Variants in RPL9 observed in about 807,000 individuals in gnomAD.
RPL9 encodes the protein ribosomal protein L9, also known as large ribosomal subunit protein uL6.
For synonymous variants in RPL9, 82 were observed against 77.1 expected, an observed-to-expected ratio of 1.06 and a Z score of -0.33; for missense variants, 149 against 236.7, an observed-to-expected ratio of 0.63 and a Z score of 2.43.
chr4:39,458,004 G>C, intron 3 of RPL9, 190 bp downstream of exon 3: 1 of 716,910 alleles, frequency 1.4e-6, no homozygotes, highest in Non-Finnish European at 2.5e-6. Flanking sequence ...TATTACATTT[G>C]AGCTTTATAT....
chr4:39,458,841 C>T lies in RPL9; in HGVS notation c.-2+50G>A, dbSNP rs145824152. On this transcript the variant is annotated intron_variant, in intron 1 of 7. Coordinates refer to ENST00000295955, the MANE Select transcript of RPL9 (RefSeq NM_000661.5). ...AGCCGCGCCGCAGCCTTTCCCAGAG[C>T]AGATGGTTTCAGATTCCCAGTACCC... The T allele has an allele frequency of 6.2e-4, 428 of 693,534 alleles. 2 individuals are homozygous for T. Among genetic ancestry groups the T allele is most frequent in the Non-Finnish European group, 1.1e-3 (401 of 379,514 alleles). 43.0% of individuals were successfully genotyped at this position (693,534 alleles called of 1,614,324 possible).
Position 39,458,420 on chromosome 4 carries a change from T to C in RPL9, c.20A>G (p.Asn7Ser), listed in dbSNP as rs146928803. The change falls in exon 2 of 8, where the codon AAT becomes AGT. Residue 7 changes from asparagine (N) to serine (S), a missense_variant. Physicochemically the swap from Asn to Ser is conservative, Grantham distance 46. Transcript: ENST00000295955. MKTILS[N>S]QTVDIPENVD... is the part of the protein sequence containing the mutation. ...ATTTTCTGGAATGTCGACAGTCTGA[T>C]TGCTGAGAATAGTCTTCATTCTGAA... 5.3e-5 allele frequency: 85 copies of C among 1,614,126 alleles called. No homozygotes were observed. The highest frequency in any genetic ancestry group is 6.7e-5 in the African/African-American group (5 of 74,938).
chr4:39,454,837 ATAGT>A (rs1744023669), intron 6 of RPL9, 23 bp downstream of exon 6: 2 of 1,603,050 alleles, frequency 1.2e-6, no homozygotes, highest in African/African-American at 2.7e-5. Context: ...TCTTGTAGGC[ATAGT>A]TAGACATAGT....
Position 39,458,220 on chromosome 4 carries a change from T to C in RPL9, c.136A>G (p.Ser46Gly). The change falls in exon 3 of 8, where the codon AGC (serine) becomes GGC (glycine). Residue 46 changes from serine (S) to glycine (G), a missense_variant. Physicochemically the swap from Ser to Gly is moderately conservative, Grantham distance 56. Coordinates refer to ENST00000295955, the MANE Select transcript of RPL9 (RefSeq NM_000661.5). ...CTCTTTTTTTTCTTTCCAAGAAGGC[T>C]GAGTTCTACATTGATGTGATTGAAG... ...RDFNHINVEL[S>G]LLGKKKKRLR... 1.2e-6 allele frequency: 2 copies of C among 1,612,922 alleles called. No homozygotes were observed. Among genetic ancestry groups the C allele is most frequent in the Non-Finnish European group, 1.7e-6 (2 of 1,178,908 alleles).
intron 6 of RPL9, 99 bp from the exon 7 acceptor site, chr4:39,454,748 C>A (rs749384705): frequency 3.3e-5 from 48 of 1,451,756 alleles, no homozygotes; most frequent in Non-Finnish European, 4.5e-5. Context: ...AGAATGTGAC[C>A]TTTTTATTTT....
At chr4:39,458,860 AGTACCCCCAC>A (rs753523124) in intron 1 of RPL9, 21 bp downstream of exon 1, 2 of 697,144 alleles carry the variant, frequency 2.9e-6, no homozygotes, top group Non-Finnish European at 5.2e-6. Context: ...TCAGATTCCC[AGTACCCCCAC>A]GAGCACAGAA....
intron 4 of RPL9, 183 bp downstream of exon 4, chr4:39,457,403 T>A (rs868712808): frequency 3.0e-4 from 158 of 528,902 alleles, no homozygotes; most frequent in Middle Eastern, 5.0e-4. Context: ...GTTGTACCCA[T>A]CTGGTCTTTG....
chr4:39,454,956 G>C lies in RPL9; in HGVS notation c.392-12C>G, dbSNP rs778833788. ...TGAACAAGCAACACCTAAAAGGGGAGAGGGCATTTGCACAGCATCAAATCT... is the reference window on the plus strand; with the variant it reads ...TGAACAAGCAACACCTAAAAGGGGACAGGGCATTTGCACAGCATCAAATCT... On this transcript the variant is annotated splice_polypyrimidine_tract_variant and intron_variant, in intron 5 of 7. Coordinates refer to ENST00000295955, the MANE Select transcript of RPL9 (RefSeq NM_000661.5). The C allele has an allele frequency of 3.7e-6, 6 of 1,609,052 alleles. No individual in the cohort carries two copies.
At position 39,457,689 on chromosome 4, in the gene RPL9, A is replaced by AG; in HGVS notation, c.163-9dup. 3 of 1,611,354 alleles carry AG rather than the reference A, an allele frequency of 1.9e-6. No individual in the cohort carries two copies. Among genetic ancestry groups the AG allele is most frequent in the Non-Finnish European group, 2.5e-6 (3 of 1,177,420 alleles). On this transcript the variant is annotated splice_polypyrimidine_tract_variant and intron_variant, in intron 3 of 7. Transcript: ENST00000295955. The stretch of plus-strand genomic sequence containing the variant: ...CCATTTGTCAACCCGGAGCTGTAAC[A>AG]GAACAAAAAATGTATTCTTTCCAGA...
chr4:39,456,674 C>T, intron 4 of RPL9, 136 bp from the exon 5 acceptor site: 2 of 938,034 alleles, frequency 2.1e-6, no homozygotes, highest in East Asian at 5.3e-5. Context: ...GTCACCTGAA[C>T]CAAGCCTTAT....
At chr4:39,458,161 G>C in intron 3 of RPL9, 33 bp downstream of exon 3, 2 of 1,604,160 alleles carry the variant, frequency 1.2e-6, no homozygotes, top group Non-Finnish European at 1.7e-6. Context: ...ACCTTCCAAC[G>C]AGCAACTGAA....
chr4:39,458,492 A>C (rs1278667621), intron 1 of RPL9, 52 bp from the exon 2 acceptor site: 2 of 1,588,790 alleles, frequency 1.3e-6, no homozygotes, highest in Admixed American at 1.7e-5. Context: ...TTTTTCCACC[A>C]AACTACGCCG....
In RPL9 at chr4:39,458,308, G is replaced by C; in HGVS notation, c.48C>G (p.Val16=). The change falls in exon 3 of 8, where the codon GTC becomes GTG. Residue 16 remains valine, a splice_region_variant and synonymous_variant. Transcript: ENST00000295955. The stretch of plus-strand genomic sequence containing the variant: ...CTGTGCGTCCCTTCAGAGTAATGTC[G>C]ACTAGAAGAGAGAACACACTCGTCA... ...SNQTVDIPEN[V]DITLKGRTVI... The C allele has an allele frequency of 6.2e-7, 1 of 1,613,970 alleles. No individual in the cohort carries two copies. Among genetic ancestry groups the C allele is most frequent in the Non-Finnish European group, 8.5e-7 (1 of 1,179,964 alleles).
intron 5 of RPL9, chr4:39,456,032 C>G (rs1744072544): frequency 3.7e-6 from 1 of 271,282 alleles, no homozygotes; most frequent in Non-Finnish European, 7.2e-6. Flanking sequence ...TGTTAATTAG[C>G]CTGATTTAGT....
Position 39,458,206 on chromosome 4 carries a change from C to A in RPL9, c.150G>T (p.Lys50Asn), listed in dbSNP as rs148353554. 11 of 1,613,534 alleles carry A rather than the reference C, an allele frequency of 6.8e-6. No individual in the cohort carries two copies. The highest frequency in any genetic ancestry group is 9.3e-6 in the Non-Finnish European group (11 of 1,179,826). Residue 50 changes from lysine (K) to asparagine (N), a missense_variant, in exon 3 of 8, where the codon AAG (lysine) becomes AAT (asparagine). Physicochemically the swap from Lys to Asn is moderately conservative, Grantham distance 94. Transcript: ENST00000295955. The stretch of plus-strand genomic sequence containing the variant: ...GAAAAACCCTCACCCTCTTTTTTTT[C>A]TTTCCAAGAAGGCTGAGTTCTACAT... The part of the protein sequence containing the change: ...HINVELSLLG[K>N]KKKRLRVDKW...
chr4:39,458,650 C>CCA lies in RPL9; in HGVS notation c.-1-212_-1-211dup, dbSNP rs1342708879. On this transcript the variant is annotated intron_variant, in intron 1 of 7. Coordinates refer to ENST00000295955, the MANE Select transcript of RPL9 (RefSeq NM_000661.5). ...ATTACGAGGCCCAGCAGTCGAACTC[C>CCA]CACTCAGCCCAACCCTGGAAGTCCT... is the stretch of plus-strand genomic sequence containing the variant. The CCA allele has an allele frequency of 6.7e-5, 42 of 624,556 alleles. 1 individual carries two copies. In the East Asian group the frequency reaches 1.1e-3, roughly 17 times the overall value. The allele number at this position is 624,556 out of a possible 1,614,324, so 38.7% of individuals were successfully genotyped here. A position where few individuals can be genotyped will look rare whatever the true frequency, so the allele number is the denominator to read the frequency against.
At chr4:39,458,838 G>A (rs575423476) in intron 1 of RPL9, 53 bp downstream of exon 1, 6 of 693,402 alleles carry the variant, frequency 8.7e-6, no homozygotes, top group Non-Finnish European at 1.6e-5. Flanking sequence ...GCCTTTCCCA[G>A]AGCAGATGGT....
At chr4:39,454,841 T>A in intron 6 of RPL9, 23 bp downstream of exon 6, 2 of 1,607,552 alleles carry the variant, frequency 1.2e-6, no homozygotes, top group East Asian at 2.2e-5. Context: ...GTAGGCATAG[T>A]TAGACATAGT....
intron 6 of RPL9, 101 bp downstream of exon 6, chr4:39,454,763 A>AT: frequency 6.8e-7 from 1 of 1,463,340 alleles, no homozygotes. Context: ...TATTTTCACA[A>AT]TTTAAAAAGC....
Sources: gnomAD v4.1 joint callset for allele counts on GRCh38, gnomAD v4.1.1 for gene constraint, MANE v1.5 for transcripts, NCBI Gene and HGNC (gene_info 2026-07-23, HGNC 2026-07-21) for gene names.